MACROD2: variants seen among roughly 807,000 people sequenced by gnomAD.
MACROD2 encodes ADP-ribose glycohydrolase MACROD2.
A neutral mutation model predicts 70.4 loss-of-function variants in MACROD2; 36 were observed. That is an observed-to-expected ratio of 0.51 (90% CI 0.39 to 0.68). The LOEUF is 0.68. Ranked by LOEUF, MACROD2 falls within the 30% of genes least tolerant of loss-of-function variation. MACROD2 has a pLI of 0.00. For synonymous variants in MACROD2, 172 were observed against 178.8 expected (o/e 0.96, Z 0.30); for missense variants, 496 against 538.4 (o/e 0.92, Z 0.78).
rs191634816 is a variant in MACROD2 at position 14,804,818 on chromosome 20, T to G, written c.418+119859T>G. Reference sequence around the variant, plus strand: ...CAGTTGTTTTCTAGGGATTTCTGTCTTTGATAGAATGTAAGAGAAGAGATG... The same window carrying G: ...CAGTTGTTTTCTAGGGATTTCTGTCGTTGATAGAATGTAAGAGAAGAGATG... On this transcript the variant is annotated intron_variant, in intron 5 of 17. Transcript: ENST00000684519. Among the ~76,000 whole-genome samples the G allele has an allele frequency of 8.4e-4, 127 of 152,048 alleles. 2 individuals are homozygous for G. The highest frequency in any genetic ancestry group is 1.5e-3 in the Non-Finnish European group (104 of 67,972).
intron 3 of MACROD2, among the ~76,000 whole-genome samples, chr20:14,482,647 G>C (rs1395311490): frequency 6.6e-6 from 1 of 151,758 alleles, no homozygotes; most frequent in East Asian, 2.0e-4. Flanking sequence ...AATGATGTGT[G>C]TAGATTGGAA....
At chr20:14,762,281 T>C (rs1228725363) in intron 5 of MACROD2, among the ~76,000 whole-genome samples, 1 of 152,060 alleles carries the variant, frequency 6.6e-6, no homozygotes, top group Non-Finnish European at 1.5e-5. Flanking sequence ...CGAACTTATC[T>C]CCTCTCAAGT....
intron 5 of MACROD2, among the ~76,000 whole-genome samples, chr20:14,711,566 C>T (rs1374591416): frequency 6.6e-6 from 1 of 152,032 alleles, no homozygotes; most frequent in Non-Finnish European, 1.5e-5. Context: ...AAATTGAGTC[C>T]ACATTCATCT....
intron 5 of MACROD2, among the ~76,000 whole-genome samples, chr20:15,137,915 G>C (rs1399535586): frequency 6.6e-6 from 1 of 151,996 alleles, no homozygotes; most frequent in African/African-American, 2.4e-5. Context: ...TCTTCATTTT[G>C]CTCCTTTCTG....
intron 6 of MACROD2, among the ~76,000 whole-genome samples, chr20:15,328,274 G>A (rs1446076379): frequency 6.6e-6 from 1 of 152,050 alleles, no homozygotes; most frequent in Non-Finnish European, 1.5e-5. Context: ...GGCCAGTCTG[G>A]CTGGACACTG....
At chr20:14,115,487 A>G (rs549752933) in intron 3 of MACROD2, among the ~76,000 whole-genome samples, 66 of 152,348 alleles carry the variant, frequency 4.3e-4, no homozygotes, top group African/African-American at 1.4e-3. Flanking sequence ...CTTAGGTTGG[A>G]TGAAGAAGAC....
rs1370521860 is a variant in MACROD2 at position 14,578,173 on chromosome 20, A to T, written c.301+84665A>T. Among the ~76,000 whole-genome samples the T allele has an allele frequency of 2.0e-5, 3 of 151,066 alleles. No homozygotes were observed. In the East Asian group the frequency reaches 5.8e-4, roughly 29 times the overall value. On this transcript the variant is annotated intron_variant, in intron 4 of 17. Transcript: ENST00000684519. ...ATATATAATATATATTATATTTTATATTACACATATATCAATGGCAGGTTT... is the reference window on the plus strand; with the variant it reads ...ATATATAATATATATTATATTTTATTTTACACATATATCAATGGCAGGTTT...
chr20:15,088,101 A>G (rs1056295256), intron 5 of MACROD2, among the ~76,000 whole-genome samples: 1 of 151,916 alleles, frequency 6.6e-6, no homozygotes, highest in African/African-American at 2.4e-5. Flanking sequence ...AATTAATCAG[A>G]TAATAGTAAA....
Position 15,771,927 on chromosome 20 carries a change from TACAA to T in MACROD2, c.646-90813_646-90810del, listed in dbSNP as rs771918223. On this transcript the variant is annotated intron_variant, in intron 8 of 17. Transcript: ENST00000684519. ...GGTGAAACCCCATCTCTACTAAAAA[TACAA>T]ACAATTAGCCGGGCGTAGTGGCGGG... Among the ~76,000 whole-genome samples, 5 of 150,756 alleles carry T rather than the reference TACAA, an allele frequency of 3.3e-5. No homozygotes were observed. The East Asian group carries it at 9.9e-4, about 30-fold the overall frequency.
At chr20:14,862,787 A>T (rs1422240903) in intron 5 of MACROD2, among the ~76,000 whole-genome samples, 1 of 142,054 alleles carries the variant, frequency 7.0e-6, no homozygotes, top group South Asian at 2.2e-4. Context: ...CTTTTGTCTA[A>T]CAGGAAACCC....
intron 5 of MACROD2, among the ~76,000 whole-genome samples, chr20:15,104,227 C>A (rs1374597982): frequency 6.6e-6 from 1 of 152,052 alleles, no homozygotes; most frequent in Non-Finnish European, 1.5e-5. Context: ...ACGCCACTGT[C>A]CTGTGAGTAG....
At chr20:14,674,633 A>T (rs968121968) in intron 4 of MACROD2, among the ~76,000 whole-genome samples, 5 of 152,170 alleles carry the variant, frequency 3.3e-5, no homozygotes, top group African/African-American at 1.2e-4. Context: ...CTACCTCTAA[A>T]AAGTGAAAGC....
At chr20:14,047,555 T>C (rs2053497611) in intron 2 of MACROD2, among the ~76,000 whole-genome samples, 1 of 152,204 alleles carries the variant, frequency 6.6e-6, no homozygotes, top group Non-Finnish European at 1.5e-5. Context: ...CAGATAATTT[T>C]TTTTTCCTTA....
At position 15,207,378 on chromosome 20, in the gene MACROD2, A is replaced by G. The variant is rs191362713; in HGVS notation, c.419-22562A>G. 2.2e-4 allele frequency among the ~76,000 whole-genome samples: 32 copies of G among 146,202 alleles called. No homozygotes were observed. The East Asian group carries it at 6.0e-3, about 27-fold the overall frequency. On this transcript the variant is annotated intron_variant, in intron 5 of 17. Coordinates refer to ENST00000684519, the MANE Select transcript of MACROD2 (RefSeq NM_001351661.2). Reference sequence around the variant, plus strand: ...GAGTTTTAATTTTATCATTTGAAACATATTTTGCCACTTCTTTCTGGCCCC... The same window carrying G: ...GAGTTTTAATTTTATCATTTGAAACGTATTTTGCCACTTCTTTCTGGCCCC...
chr20:15,587,775 G>A (rs1414031294), intron 8 of MACROD2, among the ~76,000 whole-genome samples: 2 of 152,214 alleles, frequency 1.3e-5, no homozygotes, highest in Non-Finnish European at 2.9e-5. Flanking sequence ...TGCAAGAGGT[G>A]GGTTCCCATG....
Position 15,205,981 on chromosome 20 carries a change from CA to C in MACROD2, c.419-23957del, listed in dbSNP as rs11474854. Among the ~76,000 whole-genome samples the C allele has an allele frequency of 6.4e-3, 969 of 152,282 alleles. 13 individuals are homozygous for C. Among genetic ancestry groups the C allele is most frequent in the African/African-American group, 0.022 (900 of 41,556 alleles). ...GCTTGTTGGGCAGTAAAGCAATTTG[CA>C]AGGAAGCAGTCCCCCAGCAGGTATA... is the stretch of plus-strand genomic sequence containing the variant. On this transcript the variant is annotated intron_variant, in intron 5 of 17. Coordinates refer to ENST00000684519, the MANE Select transcript of MACROD2 (RefSeq NM_001351661.2).
At chr20:14,654,147 G>A (rs1029471879) in intron 4 of MACROD2, among the ~76,000 whole-genome samples, 7 of 152,042 alleles carry the variant, frequency 4.6e-5, no homozygotes, top group East Asian at 1.9e-4. Flanking sequence ...TATTTAATTC[G>A]TTCTTTTTTA....
intron 3 of MACROD2, among the ~76,000 whole-genome samples, chr20:14,090,568 G>A (rs891286842): frequency 7.9e-5 from 4 of 50,954 alleles, no homozygotes; most frequent in East Asian, 8.8e-4. Context: ...GCAAGACTCC[G>A]TGTCAAAAAA....
chr20:14,187,139 G>GAAAAAAA (rs71335951), intron 3 of MACROD2, among the ~76,000 whole-genome samples: 11 of 112,984 alleles, frequency 9.7e-5, no homozygotes, highest in Admixed American at 1.7e-4. Flanking sequence ...TTTAAAAAAG[G>GAAAAAAA]AAAAAAAAAA....
Sources: allele counts gnomAD v4.1 joint callset (sites outside exome capture counted in the v4.1 genomes callset), GRCh38; gene constraint gnomAD v4.1.1; transcripts MANE v1.5; gene names NCBI Gene and HGNC (gene_info 2026-07-23, HGNC 2026-07-21).